The following SLC35F2 variants were observed in gnomAD, a reference collection of about 807,000 sequenced individuals.
SLC35F2 encodes solute carrier family 35 member F2.
In SLC35F2, 25 loss-of-function variants were observed where a neutral mutation model predicts 38.1. The ratio of observed to expected loss-of-function variants is 0.66; its 90% CI spans 0.48 to 0.92. The LOEUF (loss-of-function observed/expected upper bound fraction) is 0.92. SLC35F2 is among the 40% of genes least tolerant of loss of function. The probability of loss-of-function intolerance (pLI) is 0.00; values close to 1 mark genes in which losing one functional copy is unlikely to be tolerated. For synonymous variants in SLC35F2, 173 were observed against 181.7 expected (o/e 0.95, Z 0.38); for missense variants, 409 against 452.9 (o/e 0.90, Z 0.88).
Position 107,805,409 on chromosome 11 carries a change from C to T in SLC35F2, c.681G>A (p.Glu227=), listed in dbSNP as rs1044743072. The T allele has an allele frequency of 1.2e-6, 2 of 1,614,022 alleles. No individual in the cohort carries two copies. The highest frequency in any genetic ancestry group is 1.7e-5 in the Admixed American group (1 of 59,998). The change falls in exon 5 of 8, where the codon GAG becomes GAA. Residue 227 remains glutamate (E), a synonymous_variant. Coordinates refer to ENST00000525815, the MANE Select transcript of SLC35F2 (RefSeq NM_017515.5). ...EYIVKKLSRQ[E]FLGMVGLFGT... ...CAAACAGGCCCACCATTCCTAAAAA[C>T]TCCTGTCTGCTCAGCTTCTTCACGA...
intron 1 of SLC35F2, chr11:107,816,259 A>T: frequency 1.0e-6 from 1 of 957,004 alleles, no homozygotes; most frequent in Non-Finnish European, 1.2e-6. Context: ...TACTTTGTAA[A>T]GTGCGCACGT....
At chr11:107,839,882 A>G (rs980058861) in intron 1 of SLC35F2, among the ~76,000 whole-genome samples, 1 of 152,128 alleles carries the variant, frequency 6.6e-6, no homozygotes, top group Non-Finnish European at 1.5e-5. Context: ...CAAACTCCCC[A>G]CCTCAGGTGA....
rs559700879 is a variant in SLC35F2 at position 107,849,617 on chromosome 11, C to T, written c.110+9041G>A. ...TTGCGCCACTGCACTCCAGCCTGGGCGACAGAGCAAGACTCCGTTTTGGGA... is the reference window on the plus strand; with the variant it reads ...TTGCGCCACTGCACTCCAGCCTGGGTGACAGAGCAAGACTCCGTTTTGGGA... On this transcript the variant is annotated intron_variant, in intron 1 of 7. Transcript: ENST00000525815. Among the ~76,000 whole-genome samples, 187 of 134,614 alleles carry T rather than the reference C, an allele frequency of 1.4e-3. 1 individual carries two copies. The highest frequency in any genetic ancestry group is 3.4e-3 in the South Asian group (14 of 4,172). The allele number at this position is 134,614 out of a possible 152,430, so 88.3% of individuals were successfully genotyped here.
In SLC35F2 at chr11:107,804,702, T is replaced by C. The variant is rs1474805887; in HGVS notation, c.784+16A>G. 1.3e-6 allele frequency: 2 copies of C among 1,569,286 alleles called. No individual in the cohort carries two copies. The highest frequency in any genetic ancestry group is 8.7e-7 in the Non-Finnish European group (1 of 1,145,714). ...GTTAAAGAATGCTGACTAAAAGGAATTATTTCTTTACATACCAATTTTCCA... is the reference window on the plus strand; with the variant it reads ...GTTAAAGAATGCTGACTAAAAGGAACTATTTCTTTACATACCAATTTTCCA... On this transcript the variant is annotated intron_variant, in intron 6 of 7. Coordinates refer to ENST00000525815, the MANE Select transcript of SLC35F2 (RefSeq NM_017515.5).
At chr11:107,829,938 C>T (rs964579410) in intron 1 of SLC35F2, among the ~76,000 whole-genome samples, 3 of 151,994 alleles carry the variant, frequency 2.0e-5, no homozygotes, top group African/African-American at 7.2e-5. Context: ...GCTAAAATTT[C>T]AAATAAAATT....
chr11:107,800,706 G>C (rs1423073494), intron 7 of SLC35F2, among the ~76,000 whole-genome samples: 1 of 152,010 alleles, frequency 6.6e-6, no homozygotes, highest in Non-Finnish European at 1.5e-5. Flanking sequence ...GTCTCTCTCT[G>C]GAGTGGCTGG....
intron 1 of SLC35F2, among the ~76,000 whole-genome samples, chr11:107,821,813 G>A (rs1859676548): frequency 6.6e-6 from 1 of 152,322 alleles, no homozygotes; most frequent in Middle Eastern, 3.4e-3. Context: ...TGGGGGCCAG[G>A]CTACCAGAAT....
chr11:107,806,192 T>C (rs1000415192), intron 4 of SLC35F2, among the ~76,000 whole-genome samples: 2 of 152,216 alleles, frequency 1.3e-5, no homozygotes, highest in Admixed American at 6.5e-5. Flanking sequence ...AAACTGATGA[T>C]ATATATCATA....
chr11:107,831,557 T>C (rs1859841962), intron 1 of SLC35F2, among the ~76,000 whole-genome samples: 3 of 152,140 alleles, frequency 2.0e-5, no homozygotes, highest in Non-Finnish European at 4.4e-5. Flanking sequence ...GCAAGGCAGA[T>C]ACAAAATTAT....
chr11:107,842,141 T>G (rs1860021437), intron 1 of SLC35F2, among the ~76,000 whole-genome samples: 1 of 149,656 alleles, frequency 6.7e-6, no homozygotes. Flanking sequence ...GTGGTGTGCC[T>G]ATAACCCCAG....
intron 1 of SLC35F2, among the ~76,000 whole-genome samples, chr11:107,825,710 T>C (rs1428847556): frequency 1.3e-5 from 2 of 152,134 alleles, no homozygotes; most frequent in Non-Finnish European, 2.9e-5. Flanking sequence ...GAGATACTTA[T>C]GCTGCTGGTC....
At chr11:107,822,613 C>T (rs1204376611) in intron 1 of SLC35F2, among the ~76,000 whole-genome samples, 3 of 152,156 alleles carry the variant, frequency 2.0e-5, no homozygotes, top group African/African-American at 7.2e-5. Flanking sequence ...TTCCCCAAAA[C>T]TCTAAGCTCC....
At chr11:107,836,951 TAAAG>T (rs1440060850) in intron 1 of SLC35F2, among the ~76,000 whole-genome samples, 2 of 152,122 alleles carry the variant, frequency 1.3e-5, no homozygotes, top group African/African-American at 4.8e-5. Flanking sequence ...TCACATCAAA[TAAAG>T]AGTCTATTAA....
At chr11:107,845,095 C>A (rs1287280181) in intron 1 of SLC35F2, among the ~76,000 whole-genome samples, 4 of 151,790 alleles carry the variant, frequency 2.6e-5, no homozygotes, top group African/African-American at 4.8e-5. Context: ...ATTTTTATTT[C>A]TTGCTTCATA....
At chr11:107,855,620 C>G (rs1421303699) in intron 1 of SLC35F2, among the ~76,000 whole-genome samples, 1 of 151,530 alleles carries the variant, frequency 6.6e-6, no homozygotes, top group African/African-American at 2.4e-5. Context: ...CCATTGAACT[C>G]CAGCCTGGGC....
rs375518793 is a variant in SLC35F2, at chr11:107,815,811, C to T, written c.265G>A (p.Val89Met). The T allele has an allele frequency of 5.2e-5, 84 of 1,612,008 alleles. No individual in the cohort carries two copies. The African/African-American group carries it at 9.9e-4, about 19-fold the overall frequency. Reference sequence around the variant, plus strand: ...ATACCTGATCGAAATGCCAGCATCACTGTATAAATTAGGAACAGCAAGCAA... The same window carrying T: ...ATACCTGATCGAAATGCCAGCATCATTGTATAAATTAGGAACAGCAAGCAA... Reference protein sequence around the residue: ...NYCLLFLIYTVMLAFRSGSDN... With the variant: ...NYCLLFLIYTMMLAFRSGSDN... Residue 89 changes from valine to methionine, a missense_variant, in exon 2 of 8, where the codon GTG becomes ATG. Coordinates refer to ENST00000525815, the MANE Select transcript of SLC35F2 (RefSeq NM_017515.5).
intron 1 of SLC35F2, among the ~76,000 whole-genome samples, chr11:107,843,868 A>AAATAT (rs1860058583): frequency 6.4e-5 from 3 of 46,880 alleles, no homozygotes; most frequent in Non-Finnish European, 7.5e-5. Flanking sequence ...AAAAAAAAAA[A>AAATAT]ATATATATAT....
intron 1 of SLC35F2, among the ~76,000 whole-genome samples, chr11:107,857,944 C>T (rs988185929): frequency 1.3e-5 from 2 of 152,178 alleles, no homozygotes; most frequent in African/African-American, 4.8e-5. Context: ...CAATAAATGT[C>T]TTTCACTATT....
At chr11:107,818,088 G>GAA (rs1172934805) in intron 1 of SLC35F2, among the ~76,000 whole-genome samples, 1 of 112,666 alleles carries the variant, frequency 8.9e-6, no homozygotes, top group African/African-American at 4.0e-5. Context: ...AAGAAAGAAA[G>GAA]AAAGAAAGAA....
Sources: gnomAD v4.1 joint callset for allele counts (sites outside exome capture counted in the v4.1 genomes callset) on GRCh38, gnomAD v4.1.1 for gene constraint, MANE v1.5 for transcripts, NCBI Gene and HGNC (gene_info 2026-07-23, HGNC 2026-07-21) for gene names.